The following EYS variants were observed in gnomAD, a reference collection of about 807,000 sequenced individuals.
EYS encodes the protein protein eyes shut homolog.
Under a neutral mutation model 282.1 loss-of-function variants are expected in EYS, and 250 were observed. That is an observed-to-expected ratio of 0.89 (90% CI 0.80 to 0.98). The LOEUF is 0.98. EYS is among the 50% of genes least tolerant of loss of function. The pLI is 0.00. For synonymous variants in EYS, 1,355 were observed against 1,282.9 expected (o/e 1.06, Z -1.20); for missense variants, 4,016 against 3,709.0 (o/e 1.08, Z -2.15).
At chr6:64,228,181 C>T (rs1766306258) in intron 31 of EYS, among the ~76,000 whole-genome samples, 1 of 152,100 alleles carries the variant, frequency 6.6e-6, no homozygotes, top group African/African-American at 2.4e-5. Flanking sequence ...AGGTTGAAAA[C>T]ACAATCCTGC....
intron 14 of EYS, among the ~76,000 whole-genome samples, chr6:64,950,800 T>TAC (rs1769467752): frequency 5.5e-5 from 4 of 73,388 alleles, no homozygotes; most frequent in African/African-American, 1.6e-4. Context: ...TACATATACA[T>TAC]ATATATATAT....
chr6:65,549,056 C>G (rs575955089), intron 2 of EYS, among the ~76,000 whole-genome samples: 2 of 152,084 alleles, frequency 1.3e-5, no homozygotes. Flanking sequence ...GGCTCTAATG[C>G]GCCCCTGACC....
At chr6:65,620,104 G>T (rs1766412160) in intron 2 of EYS, among the ~76,000 whole-genome samples, 1 of 152,126 alleles carries the variant, frequency 6.6e-6, no homozygotes, top group African/African-American at 2.4e-5. Flanking sequence ...TTTTTCTATT[G>T]ATTGGAATAG....
At chr6:65,615,706 G>A (rs956680814) in intron 2 of EYS, among the ~76,000 whole-genome samples, 19 of 151,902 alleles carry the variant, frequency 1.3e-4, no homozygotes, top group Admixed American at 3.3e-4. Context: ...AGGCCAAGGC[G>A]GGCAGATCAT....
At chr6:65,161,858 C>T (rs1764857797) in intron 12 of EYS, among the ~76,000 whole-genome samples, 1 of 150,794 alleles carries the variant, frequency 6.6e-6, no homozygotes, top group Non-Finnish European at 1.5e-5. Context: ...GTATACTTGC[C>T]AACAAAATTA....
chr6:65,426,418 A>G, intron 5 of EYS, among the ~76,000 whole-genome samples: 1 of 152,222 alleles, frequency 6.6e-6, no homozygotes, highest in Non-Finnish European at 1.5e-5. Flanking sequence ...ATAAATAAAT[A>G]TATTTTATTA....
rs574911095 is a variant in EYS, at chr6:64,547,599, T to C, written c.5644+42624A>G. On this transcript the variant is annotated intron_variant, in intron 26 of 42. Coordinates refer to ENST00000503581, the MANE Select transcript of EYS (RefSeq NM_001142800.2). ...AGAGTGCCAATTGGTGTATTTACAA[T>C]CCCTTAGCTAGACATAAAGGTTCTC... Among the ~76,000 whole-genome samples the C allele has an allele frequency of 2.6e-5, 4 of 152,266 alleles. No individual in the cohort carries two copies. The East Asian group carries it at 7.8e-4, about 30-fold the overall frequency.
intron 36 of EYS, among the ~76,000 whole-genome samples, chr6:63,831,254 T>G (rs143692435): frequency 0.013 from 1,998 of 152,288 alleles, 35 homozygotes; most frequent in African/African-American, 0.046. Context: ...ATGCCCCAAT[T>G]AAAAGACACA....
At chr6:64,617,652 C>T (rs1350135395) in intron 23 of EYS, 119 bp from the exon 24 acceptor site, 2 of 656,848 alleles carry the variant, frequency 3.0e-6, no homozygotes, top group Non-Finnish European at 5.4e-6. Flanking sequence ...ATGTTTTGTA[C>T]AAATTACCTC....
At chr6:65,672,827 A>C (rs1268850408) in intron 1 of EYS, among the ~76,000 whole-genome samples, 1 of 152,124 alleles carries the variant, frequency 6.6e-6, no homozygotes, top group Non-Finnish European at 1.5e-5. Flanking sequence ...AAAGCTTTTT[A>C]ATCACCTGGG....
chr6:65,441,187 G>A (rs1768311205), intron 5 of EYS, among the ~76,000 whole-genome samples: 1 of 151,364 alleles, frequency 6.6e-6, no homozygotes, highest in African/African-American at 2.4e-5. Context: ...TATTTTCAAT[G>A]TTTAATATCA....
chr6:63,948,481 G>C (rs1330287729), intron 35 of EYS, among the ~76,000 whole-genome samples: 1 of 152,180 alleles, frequency 6.6e-6, no homozygotes, highest in African/African-American at 2.4e-5. Context: ...TAGCAGGCTG[G>C]TGACAAACAC....
intron 30 of EYS, among the ~76,000 whole-genome samples, chr6:64,244,829 C>CT (rs1196453145): frequency 2.5e-4 from 38 of 152,144 alleles, no homozygotes; most frequent in African/African-American, 7.2e-4. Flanking sequence ...TATTTTCTAT[C>CT]TTTTTTTAAA....
intron 22 of EYS, chr6:64,631,448 A>G (rs1169046572): frequency 6.6e-6 from 1 of 152,094 alleles, no homozygotes; most frequent in East Asian, 1.9e-4. Flanking sequence ...ATTACCCAAG[A>G]CCTTCCTGAA....
chr6:63,720,669 G>A lies in EYS; in HGVS notation c.9362C>T (p.Pro3121Leu), dbSNP rs1425608985. ...TAATTTAATTAGTTCAATGTTTTTTGGTTCCTGAAAAAATACAACATCTTT... is the reference window on the plus strand; with the variant it reads ...TAATTTAATTAGTTCAATGTTTTTTAGTTCCTGAAAAAATACAACATCTTT... ...KIKDVVFFQE[P>L]KNIELIKLEG... is the part of the protein sequence containing the mutation. The change falls in exon 43 of 43, where the codon CCA becomes CTA. Residue 3121 changes from proline (P) to leucine (L), a missense_variant. Physicochemically the swap from Pro to Leu is moderately conservative, Grantham distance 98. Coordinates refer to ENST00000503581, the MANE Select transcript of EYS (RefSeq NM_001142800.2). 1 of 1,537,944 alleles carries A rather than the reference G, an allele frequency of 6.5e-7. No homozygotes were observed. The highest frequency in any genetic ancestry group is 1.2e-5 in the South Asian group (1 of 81,194).
chr6:64,528,608 T>C (rs1016979950), intron 26 of EYS, among the ~76,000 whole-genome samples: 1 of 152,048 alleles, frequency 6.6e-6, no homozygotes. Context: ...TATTTTTCTA[T>C]TCCCATTACT....
At chr6:63,793,431 G>A (rs1280025318) in intron 37 of EYS, among the ~76,000 whole-genome samples, 1 of 152,176 alleles carries the variant, frequency 6.6e-6, no homozygotes, top group Non-Finnish European at 1.5e-5. Flanking sequence ...GCATGCACAA[G>A]CTTTGAAAGA....
chr6:64,316,747 C>T (rs1769983783), intron 29 of EYS, among the ~76,000 whole-genome samples: 1 of 152,106 alleles, frequency 6.6e-6, no homozygotes, highest in Admixed American at 6.6e-5. Context: ...AAAGATCCCA[C>T]ATAGCCTAGA....
chr6:64,839,967 C>T (rs1765512655), intron 19 of EYS, among the ~76,000 whole-genome samples: 1 of 151,966 alleles, frequency 6.6e-6, no homozygotes, highest in Non-Finnish European at 1.5e-5. Context: ...TTTTGGGGGA[C>T]ATTCAGACTA....
Sources: gnomAD v4.1 joint callset for allele counts (sites outside exome capture counted in the v4.1 genomes callset) on GRCh38, gnomAD v4.1.1 for gene constraint, MANE v1.5 for transcripts, NCBI Gene and HGNC (gene_info 2026-07-23, HGNC 2026-07-21) for gene names.